OR5V1: variants seen among roughly 807,000 people sequenced by gnomAD.
OR5V1 encodes the protein olfactory receptor 5V1.
For missense variants in OR5V1, 365 were observed against 371.5 expected, an observed-to-expected ratio of 0.98 and a Z score of 0.14; for synonymous variants, 134 against 143.2, an observed-to-expected ratio of 0.94 and a Z score of 0.46.
At position 29,354,498 on chromosome 6, in the gene OR5V1, GT is replaced by G. The variant is rs2151267308; in HGVS notation, c.*731del. ...TTTTCTGTATGTTTTATCTGATTCT[GT>G]TTTCTAAATTTTTAGCGAAAAAAGT... On this transcript the variant is annotated 3_prime_UTR_variant, in exon 2 of 2. Transcript: ENST00000641768. The G allele has an allele frequency of 6.6e-6, 1 of 151,770 alleles. No homozygotes were observed. The highest frequency in any genetic ancestry group is 2.4e-5 in the African/African-American group (1 of 41,418). The allele number at this position is 151,770 out of a possible 1,614,324, so 9.4% of individuals were successfully genotyped here.
At chr6:29,365,448 A>G (rs1381625570) in intron 1 of OR5V1, among the ~76,000 whole-genome samples, 1 of 152,182 alleles carries the variant, frequency 6.6e-6, no homozygotes, top group Non-Finnish European at 1.5e-5. Context: ...GAACTTAAAC[A>G]TATTTACAAG....
chr6:29,355,876 A>C lies in OR5V1; in HGVS notation c.320T>G (p.Phe107Cys). 2 of 1,614,074 alleles carry C rather than the reference A, an allele frequency of 1.2e-6. No individual in the cohort carries two copies. Among genetic ancestry groups the C allele is most frequent in the Non-Finnish European group, 1.7e-6 (2 of 1,179,962 alleles). Residue 107 changes from phenylalanine to cysteine, a missense_variant, in exon 2 of 2, where the codon TTT becomes TGT. Coordinates refer to ENST00000641768, the MANE Select transcript of OR5V1 (RefSeq NM_030876.6). The stretch of plus-strand genomic sequence containing the variant: ...CAGTAGGAGACACTCTGATCCTACA[A>C]AGAAAACAAATGCAAAAAGTTGAAC... The part of the protein sequence containing the change: ...CVVQLFAFVF[F>C]VGSECLLLAA...
intron 1 of OR5V1, among the ~76,000 whole-genome samples, chr6:29,361,448 C>T (rs915133180): frequency 6.6e-5 from 10 of 152,018 alleles, no homozygotes; most frequent in Non-Finnish European, 1.3e-4. Context: ...TAAGATACTC[C>T]TCGAGAAGGG....
rs563899848 is a variant in OR5V1 at position 29,356,054 on chromosome 6, T to A, written c.142A>T (p.Thr48Ser). The A allele has an allele frequency of 2.7e-5, 43 of 1,613,956 alleles. No homozygotes were observed. In the South Asian group the frequency reaches 4.5e-4, roughly 17 times the overall value. The change falls in exon 2 of 2, where the codon ACG (threonine) becomes TCG (serine). Residue 48 changes from threonine (T) to serine (S), a missense_variant. By Grantham distance (58) the Thr-to-Ser change is moderately conservative (BLOSUM62 1). Coordinates refer to ENST00000641768, the MANE Select transcript of OR5V1 (RefSeq NM_030876.6). The part of the protein sequence containing the change: ...TLGGNILIIL[T>S]TVTDPHLHTP... ...TGCAGGTGTGGATCAGTCACAGTCGTCAAGATAATTAATATATTTCCTCCC... is the reference window on the plus strand; with the variant it reads ...TGCAGGTGTGGATCAGTCACAGTCGACAAGATAATTAATATATTTCCTCCC...
chr6:29,363,634 G>C (rs755457573), intron 1 of OR5V1, among the ~76,000 whole-genome samples: 9 of 152,230 alleles, frequency 5.9e-5, no homozygotes, highest in African/African-American at 2.2e-4. Flanking sequence ...GGGATAAAAG[G>C]CTGGTTCAAC....
chr6:29,365,340 A>G (rs1405372194), intron 1 of OR5V1, among the ~76,000 whole-genome samples: 1 of 151,984 alleles, frequency 6.6e-6, no homozygotes, highest in East Asian at 1.9e-4. Context: ...GAAAAAAAAA[A>G]AAAAACTATC....
At chr6:29,363,770 A>G (rs1207648106) in intron 1 of OR5V1, among the ~76,000 whole-genome samples, 1 of 152,208 alleles carries the variant, frequency 6.6e-6, no homozygotes, top group Non-Finnish European at 1.5e-5. Flanking sequence ...AAAACTCTCA[A>G]TAAACTAAAT....
intron 1 of OR5V1, among the ~76,000 whole-genome samples, chr6:29,357,250 C>T (rs559553976): frequency 6.6e-6 from 1 of 152,096 alleles, no homozygotes; most frequent in Non-Finnish European, 1.5e-5. Context: ...TACACAGCAT[C>T]TCATTTAGTC....
intron 1 of OR5V1, among the ~76,000 whole-genome samples, chr6:29,360,891 T>G (rs1778535849): frequency 6.6e-6 from 1 of 152,078 alleles, no homozygotes; most frequent in African/African-American, 2.4e-5. Flanking sequence ...TCCAAATGAT[T>G]GCAACTCCTC....
rs1247971422 is a variant in OR5V1, at chr6:29,356,101, A to C, written c.95T>G (p.Phe32Cys). ...TCCCAAAGTACAGAAATAAGTCAGA[A>C]AGAAGATGGTGAATAGTAAAAACTG... The part of the protein sequence containing the change: ...ELQFLLFTIF[F>C]LTYFCTLGGN... The change falls in exon 2 of 2, where the codon TTT becomes TGT. Residue 32 changes from phenylalanine (F) to cysteine (C), a missense_variant. Transcript: ENST00000641768. 6.2e-7 allele frequency: 1 copy of C among 1,613,850 alleles called. No individual in the cohort carries two copies. The highest frequency in any genetic ancestry group is 8.5e-7 in the Non-Finnish European group (1 of 1,179,882).
chr6:29,363,318 A>C (rs1283674428), intron 1 of OR5V1, among the ~76,000 whole-genome samples: 1 of 152,180 alleles, frequency 6.6e-6, no homozygotes, highest in African/African-American at 2.4e-5. Context: ...TAGCCTAAAA[A>C]AACAAAAAAT....
rs903219732 is a variant in OR5V1 at position 29,368,742 on chromosome 6, C to G, written c.-193G>C. 6.6e-6 allele frequency: 1 copy of G among 152,208 alleles called. No individual in the cohort carries two copies. Among genetic ancestry groups the G allele is most frequent in the Non-Finnish European group, 1.5e-5 (1 of 68,060 alleles). 9.4% of individuals were successfully genotyped at this position (152,208 alleles called of 1,614,324 possible). A position where few individuals can be genotyped will look rare whatever the true frequency, so the allele number is the denominator to read the frequency against. On this transcript the variant is annotated 5_prime_UTR_variant, in exon 1 of 2. Transcript: ENST00000641768. ...CACAAAATAATGTTCCCTACAGAGT[C>G]TGTGCTGATAAACTTCTGAGTGATG...
At chr6:29,365,045 G>A (rs1192812416) in intron 1 of OR5V1, among the ~76,000 whole-genome samples, 1 of 151,970 alleles carries the variant, frequency 6.6e-6, no homozygotes, top group Non-Finnish European at 1.5e-5. Context: ...ACAAGCAATG[G>A]GGAAAGGATT....
chr6:29,365,427 G>A (rs1475189758), intron 1 of OR5V1, among the ~76,000 whole-genome samples: 1 of 150,780 alleles, frequency 6.6e-6, no homozygotes, highest in Non-Finnish European at 1.5e-5. Context: ...CTAATATCCA[G>A]AATCTACAAG....
At position 29,355,831 on chromosome 6, in the gene OR5V1, C is replaced by A; in HGVS notation, c.365G>T (p.Arg122Leu). 1 of 1,613,972 alleles carries A rather than the reference C, an allele frequency of 6.2e-7. No homozygotes were observed. The highest frequency in any genetic ancestry group is 8.5e-7 in the Non-Finnish European group (1 of 1,179,948). Residue 122 changes from arginine (R) to leucine (L), a missense_variant, in exon 2 of 2, where the codon CGT becomes CTT. By Grantham distance (102) the Arg-to-Leu change is moderately radical. Transcript: ENST00000641768. The stretch of plus-strand genomic sequence containing the variant: ...TAAAGGATTGCAGATTGCAATGTAA[C>A]GATCATATGCCATTGCTGCCAGTAG... ...CLLLAAMAYD[R>L]YIAICNPLRY...
chr6:29,362,623 A>G lies in OR5V1; in HGVS notation c.-83+6009T>C, dbSNP rs1778622311. On this transcript the variant is annotated intron_variant, in intron 1 of 1. Transcript: ENST00000641768. ...CAGTGCAATCAAATTAGAACTCAGCATTAAGAAACTCACTCAAAACCTCAC... is the reference window on the plus strand; with the variant it reads ...CAGTGCAATCAAATTAGAACTCAGCGTTAAGAAACTCACTCAAAACCTCAC... 2.0e-5 allele frequency among the ~76,000 whole-genome samples: 3 copies of G among 152,242 alleles called. 1 individual carries two copies. The highest frequency in any genetic ancestry group is 4.4e-5 in the Non-Finnish European group (3 of 68,044).
At chr6:29,362,962 A>T (rs999786527) in intron 1 of OR5V1, among the ~76,000 whole-genome samples, 6 of 152,206 alleles carry the variant, frequency 3.9e-5, no homozygotes, top group African/African-American at 1.4e-4. Context: ...GCAGAACTGA[A>T]GGAGATAGAG....
chr6:29,363,317 A>T (rs9257785), intron 1 of OR5V1, among the ~76,000 whole-genome samples: 1,692 of 152,246 alleles, frequency 0.011, 16 homozygotes, highest in East Asian at 0.028. Flanking sequence ...GTAGCCTAAA[A>T]AAACAAAAAA....
chr6:29,358,723 C>T (rs1348782765), intron 1 of OR5V1, among the ~76,000 whole-genome samples: 1 of 152,086 alleles, frequency 6.6e-6, no homozygotes, highest in African/African-American at 2.4e-5. Flanking sequence ...TGCATGATCT[C>T]CCTTATATGT....
Sources: gnomAD v4.1 joint callset for allele counts (sites outside exome capture counted in the v4.1 genomes callset) on GRCh38, gnomAD v4.1.1 for gene constraint, MANE v1.5 for transcripts, NCBI Gene and HGNC (gene_info 2026-07-23, HGNC 2026-07-21) for gene names.